Variants in SPIDR observed in about 807,000 individuals in gnomAD.
SPIDR encodes the protein DNA repair-scaffolding protein.
A neutral mutation model predicts 104.6 loss-of-function variants in SPIDR; 93 were observed. The ratio of observed to expected loss-of-function variants is 0.89; its 90% CI spans 0.75 to 1.06. The LOEUF (loss-of-function observed/expected upper bound fraction) is 1.06. SPIDR is among the 50% of genes least tolerant of loss of function. The pLI, the probability that SPIDR is intolerant of heterozygous loss-of-function variation, is 0.00. For missense variants in SPIDR, 1,154 were observed against 1,111.2 expected, an observed-to-expected ratio of 1.04 and a Z score of -0.55; for synonymous variants, 431 against 416.9, an observed-to-expected ratio of 1.03 and a Z score of -0.41.
At chr8:47,694,918 A>T (rs551292644) in intron 11 of SPIDR, among the ~76,000 whole-genome samples, 1 of 152,318 alleles carries the variant, frequency 6.6e-6, no homozygotes, top group South Asian at 2.1e-4. Flanking sequence ...TAATCAACCT[A>T]TTAGATGACA....
At chr8:47,441,531 C>T (rs2069429591) in intron 8 of SPIDR, among the ~76,000 whole-genome samples, 1 of 151,636 alleles carries the variant, frequency 6.6e-6, no homozygotes, top group South Asian at 2.1e-4. Context: ...AAAGTAGTGC[C>T]TTGTCAGTCA....
intron 7 of SPIDR, among the ~76,000 whole-genome samples, chr8:47,434,198 T>A (rs1460768781): frequency 6.6e-6 from 1 of 152,186 alleles, no homozygotes; most frequent in Non-Finnish European, 1.5e-5. Context: ...TTAGAGTGTT[T>A]ATTAAAGACA....
Position 47,302,566 on chromosome 8 carries a change from C to G in SPIDR, c.525+8536C>G, listed in dbSNP as rs1001639226. Among the ~76,000 whole-genome samples, 4 of 152,258 alleles carry G rather than the reference C, an allele frequency of 2.6e-5. No homozygotes were observed. In the South Asian group the frequency reaches 8.3e-4, roughly 32 times the overall value. ...TTTTTCTGCTCTGTTTTTTCCCCAT[C>G]TTTGTAGTTTTATGTACCTTTGGTC... On this transcript the variant is annotated intron_variant, in intron 5 of 19. Transcript: ENST00000297423.
chr8:47,535,183 T>C (rs145680458), intron 8 of SPIDR, among the ~76,000 whole-genome samples: 1 of 152,308 alleles, frequency 6.6e-6, no homozygotes, highest in Non-Finnish European at 1.5e-5. Context: ...GGTTCACTGG[T>C]AAATTCTACC....
chr8:47,502,509 C>G (rs914220395), intron 8 of SPIDR, among the ~76,000 whole-genome samples: 5 of 151,902 alleles, frequency 3.3e-5, no homozygotes, highest in Non-Finnish European at 5.9e-5. Flanking sequence ...TTTTTTATTG[C>G]GTCTATTTGA....
chr8:47,291,013 G>C lies in SPIDR; in HGVS notation c.257-20G>C. 1 of 1,577,988 alleles carries C rather than the reference G, an allele frequency of 6.3e-7. No homozygotes were observed. Among genetic ancestry groups the C allele is most frequent in the Non-Finnish European group, 8.7e-7 (1 of 1,152,280 alleles). ...CCATATAAGGAGATCATATTTATGT[G>C]CTTTCTTTTCCTTCAACAGAAACCA... On this transcript the variant is annotated intron_variant, in intron 3 of 19. Coordinates refer to ENST00000297423, the MANE Select transcript of SPIDR (RefSeq NM_001080394.4).
At chr8:47,703,474 GATAGTCA>G (rs2080624135) in intron 14 of SPIDR, among the ~76,000 whole-genome samples, 1 of 152,206 alleles carries the variant, frequency 6.6e-6, no homozygotes, top group African/African-American at 2.4e-5. Flanking sequence ...TAAAGAGCCA[GATAGTCA>G]ATATTTTAGG....
chr8:47,463,666 AT>A (rs2074313994), intron 8 of SPIDR, among the ~76,000 whole-genome samples: 1 of 152,216 alleles, frequency 6.6e-6, no homozygotes, highest in African/African-American at 2.4e-5. Flanking sequence ...TAAAAGAGTT[AT>A]ACCCCATTTC....
At chr8:47,413,591 T>G (rs1588386096) in intron 7 of SPIDR, among the ~76,000 whole-genome samples, 1 of 152,338 alleles carries the variant, frequency 6.6e-6, no homozygotes, top group Non-Finnish European at 1.5e-5. Context: ...ATTGACAAAT[T>G]GTAAATATCT....
At chr8:47,313,029 C>G (rs1329178590) in intron 5 of SPIDR, among the ~76,000 whole-genome samples, 2 of 152,174 alleles carry the variant, frequency 1.3e-5, no homozygotes, top group Non-Finnish European at 2.9e-5. Flanking sequence ...CTCACCACTC[C>G]TATTCAACAT....
chr8:47,638,609 T>C (rs1017408036), intron 10 of SPIDR, among the ~76,000 whole-genome samples: 7 of 152,252 alleles, frequency 4.6e-5, no homozygotes, highest in African/African-American at 9.6e-5. Context: ...AACTGTTCTA[T>C]AGATAGACTT....
At chr8:47,341,799 T>C (rs1296819520) in intron 5 of SPIDR, among the ~76,000 whole-genome samples, 1 of 152,186 alleles carries the variant, frequency 6.6e-6, no homozygotes, top group Non-Finnish European at 1.5e-5. Context: ...GCTAGACCTT[T>C]ATTGCCATCT....
chr8:47,393,673 T>TTTTCCTTTCCTTTCCTTTCC (rs143995416), intron 5 of SPIDR, among the ~76,000 whole-genome samples: 60 of 102,502 alleles, frequency 5.9e-4, no homozygotes, highest in African/African-American at 2.4e-3. Flanking sequence ...TCCCTTTCCT[T>TTTTCCTTTCCTTTCCTTTCC]TTTCCTTTCC....
At chr8:47,313,642 A>G (rs1346732648) in intron 5 of SPIDR, among the ~76,000 whole-genome samples, 3 of 152,216 alleles carry the variant, frequency 2.0e-5, no homozygotes, top group South Asian at 2.1e-4. Context: ...CGGAGGCATC[A>G]CGCTACCTGA....
chr8:47,302,500 C>T (rs1477941570), intron 5 of SPIDR, among the ~76,000 whole-genome samples: 7 of 152,124 alleles, frequency 4.6e-5, no homozygotes, highest in African/African-American at 1.7e-4. Context: ...AGCTGTGTTC[C>T]TTTGGAGGAG....
intron 6 of SPIDR, among the ~76,000 whole-genome samples, chr8:47,406,825 C>T (rs2062822333): frequency 6.6e-6 from 1 of 152,160 alleles, no homozygotes; most frequent in African/African-American, 2.4e-5. Context: ...GGAGAAGTTT[C>T]TTAACCTCTC....
intron 8 of SPIDR, among the ~76,000 whole-genome samples, chr8:47,474,030 G>C (rs777506308): frequency 6.6e-6 from 1 of 152,140 alleles, no homozygotes; most frequent in African/African-American, 2.4e-5. Flanking sequence ...AGGAGAACAC[G>C]AGCAGGCATG....
chr8:47,544,875 G>A (rs773474499), intron 8 of SPIDR, among the ~76,000 whole-genome samples: 2 of 152,116 alleles, frequency 1.3e-5, no homozygotes, highest in Admixed American at 1.3e-4. Flanking sequence ...AGTAGGAATT[G>A]TGTTAAATGT....
intron 8 of SPIDR, among the ~76,000 whole-genome samples, chr8:47,571,923 G>A (rs1002361444): frequency 6.6e-6 from 1 of 152,066 alleles, no homozygotes; most frequent in Non-Finnish European, 1.5e-5. Flanking sequence ...AAACAAAACC[G>A]TGGATGAGAG....
Sources: allele counts gnomAD v4.1 joint callset (sites outside exome capture counted in the v4.1 genomes callset), GRCh38; gene constraint gnomAD v4.1.1; transcripts MANE v1.5; gene names NCBI Gene and HGNC (gene_info 2026-07-23, HGNC 2026-07-21).